MYO3B: variants seen among roughly 807,000 people sequenced by gnomAD.
MYO3B encodes the protein myosin-IIIb.
A neutral mutation model predicts 174.6 loss-of-function variants in MYO3B; 156 were observed. That is an observed-to-expected ratio of 0.89 (90% CI 0.78 to 1.02). The LOEUF (loss-of-function observed/expected upper bound fraction) is 1.02, where lower values mean the gene tolerates loss of function less well. MYO3B is among the 50% of genes least tolerant of loss of function. The probability of loss-of-function intolerance (pLI) is 0.00; values close to 1 mark genes in which losing one functional copy is unlikely to be tolerated. For synonymous variants in MYO3B, 563 were observed against 569.1 expected (o/e 0.99, Z 0.15); for missense variants, 1,632 against 1,639.4 (o/e 1.00, Z 0.08).
At chr2:170,601,025 T>C (rs1367376568) in intron 32 of MYO3B, among the ~76,000 whole-genome samples, 2 of 152,146 alleles carry the variant, frequency 1.3e-5, no homozygotes, top group Admixed American at 1.3e-4. Context: ...ATATGCAGGG[T>C]GCATAGACAA....
chr2:170,549,708 C>T (rs1690755590), intron 32 of MYO3B, among the ~76,000 whole-genome samples: 3 of 152,144 alleles, frequency 2.0e-5, no homozygotes, highest in Admixed American at 2.0e-4. Context: ...ATTTTCAGTG[C>T]TTACACCAGG....
chr2:170,394,497 T>A (rs970209692), intron 16 of MYO3B, among the ~76,000 whole-genome samples: 1 of 151,720 alleles, frequency 6.6e-6, no homozygotes, highest in South Asian at 2.1e-4. Flanking sequence ...CTAGCCCCTC[T>A]GGGAAAAAAG....
In MYO3B at chr2:170,624,931, G is replaced by T. The variant is rs530933149; in HGVS notation, c.3734-26697G>T. ...GGAATGAAGCCCACTTGATCATGGTGGATAAGCTTTTTGATGTGCTGCTGG... is the reference window on the plus strand; with the variant it reads ...GGAATGAAGCCCACTTGATCATGGTTGATAAGCTTTTTGATGTGCTGCTGG... On this transcript the variant is annotated intron_variant, in intron 32 of 34. Coordinates refer to ENST00000408978, the MANE Select transcript of MYO3B (RefSeq NM_138995.5). 7.9e-5 allele frequency among the ~76,000 whole-genome samples: 12 copies of T among 152,270 alleles called. No homozygotes were observed. The East Asian group carries it at 2.3e-3, about 29-fold the overall frequency.
intron 32 of MYO3B, among the ~76,000 whole-genome samples, chr2:170,635,152 C>T (rs1038714048): frequency 6.6e-6 from 1 of 152,206 alleles, no homozygotes; most frequent in Non-Finnish European, 1.5e-5. Context: ...ACTATAAAGA[C>T]ACATGCACAT....
chr2:170,528,978 C>T (rs1689169430), intron 30 of MYO3B, among the ~76,000 whole-genome samples: 2 of 152,288 alleles, frequency 1.3e-5, no homozygotes, highest in South Asian at 4.1e-4. Context: ...TTTTCAAACC[C>T]ATTTTAATTT....
intron 3 of MYO3B, among the ~76,000 whole-genome samples, chr2:170,207,763 T>C (rs931436785): frequency 6.6e-6 from 1 of 151,876 alleles, no homozygotes; most frequent in East Asian, 1.9e-4. Context: ...TGAAGATGAA[T>C]GGCTACTCAT....
chr2:170,516,500 G>A (rs796739097), intron 29 of MYO3B, among the ~76,000 whole-genome samples: 7 of 152,058 alleles, frequency 4.6e-5, no homozygotes, highest in African/African-American at 1.2e-4. Flanking sequence ...AAAATTAGGC[G>A]GGCATGGCGG....
At chr2:170,396,344 AGTAATCCCTCAG>A (rs1264167186) in intron 16 of MYO3B, among the ~76,000 whole-genome samples, 1 of 152,184 alleles carries the variant, frequency 6.6e-6, no homozygotes, top group Non-Finnish European at 1.5e-5. Context: ...AGGCAGGAAG[AGTAATCCCTCAG>A]GTGGACATAT....
chr2:170,568,449 TG>T (rs1218957058), intron 32 of MYO3B, among the ~76,000 whole-genome samples: 1 of 152,224 alleles, frequency 6.6e-6, no homozygotes, highest in African/African-American at 2.4e-5. Flanking sequence ...TGAAGGCATA[TG>T]GAGCGTTTGA....
chr2:170,286,334 G>A (rs1321131382), intron 7 of MYO3B, among the ~76,000 whole-genome samples: 2 of 152,112 alleles, frequency 1.3e-5, no homozygotes, highest in African/African-American at 4.8e-5. Flanking sequence ...TTAACCTAAA[G>A]CTGGGGGCAT....
intron 30 of MYO3B, among the ~76,000 whole-genome samples, chr2:170,534,787 A>G (rs1689580363): frequency 6.6e-6 from 1 of 152,206 alleles, no homozygotes; most frequent in Admixed American, 6.5e-5. Context: ...AGTGTTTTAG[A>G]ACTAATATAT....
intron 22 of MYO3B, among the ~76,000 whole-genome samples, chr2:170,409,935 T>TA (rs2094534775): frequency 1.3e-5 from 2 of 152,188 alleles, no homozygotes; most frequent in African/African-American, 4.8e-5. Context: ...GTTATTATGT[T>TA]ACAGCCTTTG....
In MYO3B at chr2:170,514,923, G is replaced by T; in HGVS notation, c.3373G>T (p.Asp1125Tyr). 1 of 1,613,484 alleles carries T rather than the reference G, an allele frequency of 6.2e-7. No homozygotes were observed. The highest frequency in any genetic ancestry group is 1.1e-5 in the South Asian group (1 of 90,856). Residue 1125 changes from aspartate to tyrosine, a missense_variant and splice_region_variant, in exon 29 of 35, where the codon GAC becomes TAC. By Grantham distance (160) the Asp-to-Tyr change is radical (BLOSUM62 -3). Coordinates refer to ENST00000408978, the MANE Select transcript of MYO3B (RefSeq NM_138995.5). ...AGTCTTTTTGTTTCATTCCACAGGG[G>T]ACACTTCAAACCAAAGCAGTGGGCC... Reference protein sequence around the residue: ...NESAAHNQAGDTSNQSSGPHS... With the variant: ...NESAAHNQAGYTSNQSSGPHS...
At chr2:170,306,314 A>G (rs1366062045) in intron 7 of MYO3B, among the ~76,000 whole-genome samples, 1 of 152,234 alleles carries the variant, frequency 6.6e-6, no homozygotes, top group African/African-American at 2.4e-5. Flanking sequence ...GCCCAGATTC[A>G]AGGAGTGAGG....
At chr2:170,628,120 G>T (rs1303454546) in intron 32 of MYO3B, among the ~76,000 whole-genome samples, 2 of 152,198 alleles carry the variant, frequency 1.3e-5, no homozygotes, top group Non-Finnish European at 2.9e-5. Flanking sequence ...GCTGCCTTTT[G>T]TTTGGCTATG....
At chr2:170,197,099 C>T (rs1383724216) in intron 1 of MYO3B, among the ~76,000 whole-genome samples, 1 of 151,728 alleles carries the variant, frequency 6.6e-6, no homozygotes, top group African/African-American at 2.4e-5. Flanking sequence ...CCAGCAGCAA[C>T]TCAGAGCAAG....
chr2:170,563,485 A>G (rs1268175174), intron 32 of MYO3B, among the ~76,000 whole-genome samples: 4 of 152,190 alleles, frequency 2.6e-5, no homozygotes, highest in African/African-American at 9.7e-5. Flanking sequence ...ATAAAAGAGA[A>G]TCTTCTTTGT....
intron 31 of MYO3B, 135 bp downstream of exon 31, chr2:170,543,101 C>A: frequency 1.4e-6 from 1 of 690,438 alleles, no homozygotes; most frequent in Non-Finnish European, 2.4e-6. Context: ...ATTTTGAAGT[C>A]TTTGAGACAA....
intron 28 of MYO3B, among the ~76,000 whole-genome samples, chr2:170,513,016 T>C (rs1688078640): frequency 6.6e-6 from 1 of 152,198 alleles, no homozygotes; most frequent in Admixed American, 6.5e-5. Context: ...GCATGGAACA[T>C]AATAATCCAT....
Sources: gnomAD v4.1 joint callset for allele counts (sites outside exome capture counted in the v4.1 genomes callset) on GRCh38, gnomAD v4.1.1 for gene constraint, MANE v1.5 for transcripts, NCBI Gene and HGNC (gene_info 2026-07-23, HGNC 2026-07-21) for gene names.